The following GRID1 variants were observed in gnomAD, a reference collection of about 807,000 sequenced individuals.
GRID1 encodes glutamate ionotropic receptor delta type subunit 1, also known as glutamate receptor ionotropic, delta-1.
Under a neutral mutation model 98.0 loss-of-function variants are expected in GRID1, and 28 were observed. The ratio of observed to expected loss-of-function variants is 0.29; its 90% CI spans 0.21 to 0.39. The LOEUF (loss-of-function observed/expected upper bound fraction) is 0.39. GRID1 is among the 10% of genes least tolerant of loss of function. The probability of loss-of-function intolerance (pLI) is 1.00; values close to 1 mark genes in which losing one functional copy is unlikely to be tolerated. For synonymous variants in GRID1, 553 were observed against 538.5 expected (o/e 1.03, Z -0.37); for missense variants, 1,111 against 1,340.5 (o/e 0.83, Z 2.67).
At chr10:85,806,187 T>C (rs1025817463) in intron 8 of GRID1, among the ~76,000 whole-genome samples, 1 of 152,058 alleles carries the variant, frequency 6.6e-6, no homozygotes, top group East Asian at 1.9e-4. Flanking sequence ...AAAGAACACA[T>C]TAAGAGTTAC....
At chr10:86,251,054 T>A (rs959941384) in intron 2 of GRID1, among the ~76,000 whole-genome samples, 1 of 152,156 alleles carries the variant, frequency 6.6e-6, no homozygotes, top group Non-Finnish European at 1.5e-5. Context: ...CCCAACCCCG[T>A]GCTCTCTGAA....
intron 8 of GRID1, among the ~76,000 whole-genome samples, chr10:85,732,668 T>C (rs192223193): frequency 6.6e-4 from 101 of 152,328 alleles, no homozygotes; most frequent in African/African-American, 2.2e-3. Flanking sequence ...TCAGCCTCTC[T>C]TATAGCACAT....
chr10:85,612,283 C>T (rs1006119046), intron 15 of GRID1, among the ~76,000 whole-genome samples: 2 of 136,056 alleles, frequency 1.5e-5, no homozygotes, highest in Non-Finnish European at 3.1e-5. Flanking sequence ...TCCAGAGGTG[C>T]CAAATCCCTT....
intron 4 of GRID1, among the ~76,000 whole-genome samples, chr10:85,972,890 C>T (rs1048699091): frequency 2.0e-5 from 3 of 152,128 alleles, no homozygotes; most frequent in African/African-American, 7.2e-5. Context: ...TTTATCACAA[C>T]CTTGATAGCA....
At chr10:86,345,873 C>T (rs1373463330) in intron 2 of GRID1, among the ~76,000 whole-genome samples, 1 of 152,200 alleles carries the variant, frequency 6.6e-6, no homozygotes, top group East Asian at 1.9e-4. Flanking sequence ...GGACCCTGGA[C>T]AGCTCACCTC....
At chr10:86,096,773 G>T (rs1481915363) in intron 4 of GRID1, among the ~76,000 whole-genome samples, 1 of 152,208 alleles carries the variant, frequency 6.6e-6, no homozygotes, top group Non-Finnish European at 1.5e-5. Context: ...CACCAGCTAG[G>T]TGACAGTACC....
At chr10:86,295,437 C>T (rs1002727956) in intron 2 of GRID1, among the ~76,000 whole-genome samples, 14 of 152,242 alleles carry the variant, frequency 9.2e-5, no homozygotes, top group African/African-American at 2.4e-4. Context: ...GTCCAGGACA[C>T]GGGTGGGTAG....
chr10:86,095,264 A>G (rs1450059839), intron 4 of GRID1, among the ~76,000 whole-genome samples: 3 of 152,206 alleles, frequency 2.0e-5, no homozygotes, highest in Non-Finnish European at 2.9e-5. Flanking sequence ...ACAAGATAAC[A>G]TTGGAAAAAC....
intron 2 of GRID1, among the ~76,000 whole-genome samples, chr10:86,228,732 C>T (rs1022901727): frequency 7.3e-6 from 1 of 137,138 alleles, no homozygotes; most frequent in Non-Finnish European, 1.7e-5. Flanking sequence ...CCAAGAGACA[C>T]CCACACACAC....
chr10:86,249,624 C>A (rs1045914907), intron 2 of GRID1, among the ~76,000 whole-genome samples: 5 of 152,168 alleles, frequency 3.3e-5, no homozygotes, highest in Admixed American at 6.5e-5. Flanking sequence ...CACCCTCCCC[C>A]ACAACAGGAA....
intron 4 of GRID1, among the ~76,000 whole-genome samples, chr10:86,087,506 G>T (rs574082545): frequency 9.3e-4 from 130 of 139,574 alleles, no homozygotes; most frequent in Non-Finnish European, 1.6e-3. Flanking sequence ...GTGTGTGTGT[G>T]TGTCTGTGTG....
chr10:85,971,114 A>C (rs892978857), intron 4 of GRID1, among the ~76,000 whole-genome samples: 5 of 152,086 alleles, frequency 3.3e-5, no homozygotes, highest in African/African-American at 1.2e-4. Flanking sequence ...CAAATTTAGG[A>C]ATAAAAATAA....
At chr10:85,762,823 C>A (rs183285790) in intron 8 of GRID1, among the ~76,000 whole-genome samples, 103 of 152,316 alleles carry the variant, frequency 6.8e-4, no homozygotes, top group African/African-American at 2.2e-3. Flanking sequence ...AGCCAGGTGA[C>A]TTGTCAGGTG....
chr10:85,969,425 CA>C (rs1842379454), intron 4 of GRID1, among the ~76,000 whole-genome samples: 1 of 152,068 alleles, frequency 6.6e-6, no homozygotes, highest in African/African-American at 2.4e-5. Context: ...CAGGATAGGA[CA>C]GACTATGTGC....
intron 3 of GRID1, among the ~76,000 whole-genome samples, chr10:86,172,191 G>T (rs1442927467): frequency 6.6e-6 from 1 of 152,124 alleles, no homozygotes; most frequent in Non-Finnish European, 1.5e-5. Context: ...GCCCCTGGCA[G>T]CCACTTTCTG....
At chr10:86,001,714 C>G (rs1299328242) in intron 4 of GRID1, among the ~76,000 whole-genome samples, 1 of 152,140 alleles carries the variant, frequency 6.6e-6, no homozygotes, top group Admixed American at 6.5e-5. Flanking sequence ...TGGGAGATGC[C>G]TGACAATTAG....
intron 13 of GRID1, among the ~76,000 whole-genome samples, chr10:85,631,728 A>G (rs1842977477): frequency 1.3e-5 from 2 of 152,212 alleles, no homozygotes; most frequent in African/African-American, 4.8e-5. Context: ...ATGATAAACA[A>G]TAATCTAATC....
chr10:85,911,502 C>T (rs1007471851), intron 5 of GRID1, among the ~76,000 whole-genome samples: 2 of 152,160 alleles, frequency 1.3e-5, no homozygotes, highest in African/African-American at 4.8e-5. Flanking sequence ...TTAGAAGTCA[C>T]CTCCTCCTGG....
At chr10:85,613,838 C>T (rs933796577) in intron 14 of GRID1, among the ~76,000 whole-genome samples, 191 bp from the exon 15 acceptor site, 1 of 152,200 alleles carries the variant, frequency 6.6e-6, no homozygotes, top group Non-Finnish European at 1.5e-5. Context: ...CCAAAACGCA[C>T]ATTAGGTTTT....
Sources: allele counts gnomAD v4.1 joint callset (sites outside exome capture counted in the v4.1 genomes callset), GRCh38; gene constraint gnomAD v4.1.1; transcripts MANE v1.5; gene names NCBI Gene and HGNC (gene_info 2026-07-23, HGNC 2026-07-21).